RPAP1: variants seen among roughly 807,000 people sequenced by gnomAD.
RPAP1 encodes the protein RNA polymerase II-associated protein 1.
RPAP1 carries 109 observed loss-of-function variants against 142.4 expected under a neutral mutation model. The ratio of observed to expected loss-of-function variants is 0.77; its 90% CI spans 0.66 to 0.90. The LOEUF is 0.90. Among genes scored for constraint, RPAP1 ranks in the 40% least tolerant of loss-of-function variants. RPAP1 has a pLI of 0.00. For synonymous variants in RPAP1, 704 were observed against 738.9 expected, an observed-to-expected ratio of 0.95 and a Z score of 0.77; for missense variants, 1,546 against 1,751.7, an observed-to-expected ratio of 0.88 and a Z score of 2.10.
At chr15:41,528,066 A>C (rs189257035) in intron 10 of RPAP1, 39 bp from the exon 11 acceptor site, 11 of 1,606,488 alleles carry the variant, frequency 6.8e-6, no homozygotes, top group Non-Finnish European at 9.4e-6. Context: ...AAGATGCTGA[A>C]GTTATCTAGA....
intron 14 of RPAP1, 148 bp from the exon 15 acceptor site, chr15:41,525,296 C>A (rs2051780047): frequency 9.8e-6 from 4 of 407,252 alleles, no homozygotes; most frequent in African/African-American, 4.1e-5. Context: ...GCCCTTCCTT[C>A]TTATTATTTA....
intron 6 of RPAP1, among the ~76,000 whole-genome samples, chr15:41,531,920 A>G (rs1026707091): frequency 2.6e-5 from 4 of 151,928 alleles, no homozygotes; most frequent in East Asian, 1.9e-4. Context: ...CAGTGGCACA[A>G]TCGTAGCTCA....
chr15:41,524,742 G>A (rs1442879463), intron 15 of RPAP1, among the ~76,000 whole-genome samples: 3 of 152,138 alleles, frequency 2.0e-5, no homozygotes, highest in African/African-American at 7.2e-5. Context: ...CCAAAGTGCT[G>A]GGATTACAGG....
intron 14 of RPAP1, 104 bp from the exon 15 acceptor site, chr15:41,525,252 C>T (rs760558108): frequency 5.5e-6 from 5 of 912,786 alleles, no homozygotes; most frequent in Non-Finnish European, 7.8e-6. Flanking sequence ...ACCCAGGCCC[C>T]TCTGGTGCCA....
At chr15:41,536,795 T>G in intron 2 of RPAP1, 146 bp from the exon 3 acceptor site, 10 of 1,391,628 alleles carry the variant, frequency 7.2e-6, no homozygotes, top group Non-Finnish European at 9.8e-6. Flanking sequence ...GAGCCTCATT[T>G]TCTTCCTCTG....
rs779460215 is a variant in RPAP1, at chr15:41,528,053, C to T, written c.1261-26G>A. On this transcript the variant is annotated intron_variant, in intron 10 of 24. Transcript: ENST00000304330. ...CTGAGGGCAGGAGGGTAAAACCTTGCTGAAGATGCTGAAGTTATCTAGAGG... is the reference window on the plus strand; with the variant it reads ...CTGAGGGCAGGAGGGTAAAACCTTGTTGAAGATGCTGAAGTTATCTAGAGG... 6.2e-6 allele frequency: 10 copies of T among 1,610,152 alleles called. 1 individual carries two copies. The highest frequency in any genetic ancestry group is 4.0e-5 in the African/African-American group (3 of 74,836).
At chr15:41,539,414 C>T (rs1056996937) in intron 1 of RPAP1, among the ~76,000 whole-genome samples, 56 of 152,108 alleles carry the variant, frequency 3.7e-4, no homozygotes, top group African/African-American at 1.3e-3. Context: ...CCTGCCTCAG[C>T]CTCCTGAGTA....
rs2051892119 is a variant in RPAP1, at chr15:41,534,882, C to T, written c.595G>A (p.Gly199Arg). 1.9e-6 allele frequency: 3 copies of T among 1,614,136 alleles called. No individual in the cohort carries two copies. The South Asian group carries it at 3.3e-5, about 18-fold the overall frequency. Residue 199 changes from glycine (G) to arginine (R), a missense_variant, in exon 6 of 25, where the codon GGG becomes AGG. Coordinates refer to ENST00000304330, the MANE Select transcript of RPAP1 (RefSeq NM_015540.4). ...GGTCCCTGAAAGCTGTGGCTGCTCC[C>T]AGGAAGCTGGCAGCCCTGGTTCCTA... is the stretch of plus-strand genomic sequence containing the variant. ...TPRNQGCQLP[G>R]SSHSFQGPNL...
chr15:41,519,892 T>C (rs532635581), intron 22 of RPAP1: 2 of 169,542 alleles, frequency 1.2e-5, no homozygotes, highest in African/African-American at 4.8e-5. Context: ...GCCTTATTAA[T>C]AGTAATGAAT....
At chr15:41,543,301 C>T (rs1255164163) in intron 1 of RPAP1, among the ~76,000 whole-genome samples, 1 of 148,562 alleles carries the variant, frequency 6.7e-6, no homozygotes, top group African/African-American at 2.5e-5. Context: ...CCTCCGCCTC[C>T]TGGGTTCAAG....
At position 41,521,722 on chromosome 15, in the gene RPAP1, C is replaced by A. The variant is rs770294167; in HGVS notation, c.3038+16G>T. 25 of 1,613,130 alleles carry A rather than the reference C, an allele frequency of 1.5e-5. No individual in the cohort carries two copies. The South Asian group carries it at 2.5e-4, about 16-fold the overall frequency. ...GTCCAAAAGGGCTGAGTTGATGCCA[C>A]CAACCAAGCACTTACGGGAGGAACT... On this transcript the variant is annotated intron_variant, in intron 21 of 24. Coordinates refer to ENST00000304330, the MANE Select transcript of RPAP1 (RefSeq NM_015540.4).
At chr15:41,525,577 T>C (rs2051783125) in intron 14 of RPAP1, among the ~76,000 whole-genome samples, 1 of 152,066 alleles carries the variant, frequency 6.6e-6, no homozygotes, top group Non-Finnish European at 1.5e-5. Context: ...GACCTCGTGA[T>C]TCACCCACCT....
chr15:41,536,486 CAG>C lies in RPAP1; in HGVS notation c.330+13_330+14del. On this transcript the variant is annotated intron_variant, in intron 3 of 24. Coordinates refer to ENST00000304330, the MANE Select transcript of RPAP1 (RefSeq NM_015540.4). Reference sequence around the variant, plus strand: ...CCTAGAACATCTTATCCTACTCAGCCAGAGTGAGACGCACAATAATCTTAGTC... The same window carrying C: ...CCTAGAACATCTTATCCTACTCAGCCAGTGAGACGCACAATAATCTTAGTC... 6.2e-7 allele frequency: 1 copy of C among 1,613,682 alleles called. No individual in the cohort carries two copies. The highest frequency in any genetic ancestry group is 8.5e-7 in the Non-Finnish European group (1 of 1,179,798).
intron 6 of RPAP1, among the ~76,000 whole-genome samples, chr15:41,531,650 T>A (rs1352356228): frequency 3.4e-5 from 3 of 87,222 alleles, no homozygotes; most frequent in Admixed American, 2.7e-4. Context: ...TTTTTTTTTT[T>A]TTTTTTTTGA....
At chr15:41,535,378 C>T in intron 5 of RPAP1, 134 bp downstream of exon 5, 2 of 1,265,040 alleles carry the variant, frequency 1.6e-6, no homozygotes, top group South Asian at 3.0e-5. Context: ...GCCTCCCATA[C>T]CTAGTATTCT....
chr15:41,522,833 G>T lies in RPAP1; in HGVS notation c.2674C>A (p.Pro892Thr). The T allele has an allele frequency of 6.3e-7, 1 of 1,587,466 alleles. No individual in the cohort carries two copies. The highest frequency in any genetic ancestry group is 8.5e-7 in the Non-Finnish European group (1 of 1,171,500). The change falls in exon 19 of 25, where the codon CCA becomes ACA. Residue 892 changes from proline to threonine, a missense_variant. Transcript: ENST00000304330. ...AGAGAGAGGAGGGCAGTGAGGAATGGGAAGGGTGAGGCTGAGCCAGCCAGA... is the reference window on the plus strand; with the variant it reads ...AGAGAGAGGAGGGCAGTGAGGAATGTGAAGGGTGAGGCTGAGCCAGCCAGA... ...LSLAGSASPF[P>T]FLTALLSLLN...
intron 1 of RPAP1, among the ~76,000 whole-genome samples, chr15:41,538,610 C>A (rs2051938768): frequency 6.6e-6 from 1 of 152,096 alleles, no homozygotes; most frequent in Non-Finnish European, 1.5e-5. Flanking sequence ...TCTCTATATA[C>A]TGTAAATTTA....
intron 1 of RPAP1, 153 bp downstream of exon 1, chr15:41,544,066 G>A (rs1483234274): frequency 1.3e-5 from 2 of 152,248 alleles, no homozygotes. Flanking sequence ...CCCGTTGAAG[G>A]GCCGTGCCCG....
At chr15:41,522,379 A>C in intron 19 of RPAP1, 129 bp from the exon 20 acceptor site, 7 of 856,630 alleles carry the variant, frequency 8.2e-6, no homozygotes, top group South Asian at 3.6e-5. Context: ...CCCATGGGAC[A>C]CCCTCCCACT....
Sources: gnomAD v4.1 joint callset for allele counts (sites outside exome capture counted in the v4.1 genomes callset) on GRCh38, gnomAD v4.1.1 for gene constraint, MANE v1.5 for transcripts, NCBI Gene and HGNC (gene_info 2026-07-23, HGNC 2026-07-21) for gene names.